CDHR1: variants seen among roughly 807,000 people sequenced by gnomAD.
The protein encoded by CDHR1 is cadherin-related family member 1.
Under a neutral mutation model 72.1 loss-of-function variants are expected in CDHR1, and 61 were observed. The observed-to-expected ratio is 0.85, with a 90% CI of 0.69 to 1.05. The LOEUF (loss-of-function observed/expected upper bound fraction) is 1.05, where lower values mean the gene tolerates loss of function less well. Ranked by LOEUF, CDHR1 falls within the 50% of genes least tolerant of loss-of-function variation. The pLI is 0.00. For missense variants in CDHR1, 1,186 were observed against 1,115.7 expected (o/e 1.06, Z -0.90); for synonymous variants, 470 against 448.1 (o/e 1.05, Z -0.62).
At chr10:84,219,417 C>A (rs1842475408), downstream of CDHR1, 5 of 1,346,008 alleles carry the variant, frequency 3.7e-6, no homozygotes, top group Middle Eastern at 7.8e-4. Flanking sequence ...TCTTCCACAG[C>A]CCTTCTCTCA....
rs1448221963 is a variant in CDHR1, at chr10:84,201,821, A to G, written c.540A>G (p.Pro180=). The change falls in exon 7 of 17, where the codon CCA becomes CCG. Residue 180 remains proline, a synonymous_variant. Transcript: ENST00000623527. ...VTYFLQNLHS[P]FAVDRHSGVL... ...AATTCTTATAGAACCTGCACTCCCC[A>G]TTTGCCGTGGACCGCCACAGCGGTG... 2.5e-6 allele frequency: 4 copies of G among 1,610,354 alleles called. No homozygotes were observed. Among genetic ancestry groups the G allele is most frequent in the Non-Finnish European group, 3.4e-6 (4 of 1,179,976 alleles).
At chr10:84,210,000 G>A (rs919039704) in intron 12 of CDHR1, among the ~76,000 whole-genome samples, 3 of 152,140 alleles carry the variant, frequency 2.0e-5, no homozygotes, top group Non-Finnish European at 4.4e-5. Context: ...GGGACAGATC[G>A]CTTGAGCCCA....
intron 1 of CDHR1, among the ~76,000 whole-genome samples, chr10:84,195,130 G>A (rs1395671471): frequency 5.3e-5 from 8 of 152,226 alleles, no homozygotes; most frequent in African/African-American, 1.7e-4. Context: ...CCGATGCTGC[G>A]TGGGGCAGGA....
rs1842461723 is a variant in CDHR1 at position 84,218,492 on chromosome 10, A to G, written c.*3871A>G. 1.3e-5 allele frequency: 13 copies of G among 985,422 alleles called. No individual in the cohort carries two copies. Among genetic ancestry groups the G allele is most frequent in the Non-Finnish European group, 1.4e-5 (12 of 829,936 alleles). The allele number at this position is 985,422 out of a possible 1,614,324, so 61.0% of individuals were successfully genotyped here. On this transcript the variant is annotated 3_prime_UTR_variant, in exon 17 of 17. Transcript: ENST00000623527. ...AGGCTCTCTTCTAGGTGTTAGGTGT[A>G]TGTCTCTAACAAGATAGAAGGAAAG...
At chr10:84,202,569 G>A (rs1281660170) in intron 7 of CDHR1, among the ~76,000 whole-genome samples, 1 of 152,208 alleles carries the variant, frequency 6.6e-6, no homozygotes, top group Non-Finnish European at 1.5e-5. Context: ...GGGCTGGGCT[G>A]GTTGCACATC....
At chr10:84,211,769 G>A in intron 14 of CDHR1, 54 bp downstream of exon 14, 1 of 1,458,264 alleles carries the variant, frequency 6.9e-7, no homozygotes, top group South Asian at 1.1e-5. Context: ...TTGGAAGGCT[G>A]AGGGTGGAGG....
downstream of CDHR1, chr10:84,219,268 G>A: frequency 6.5e-7 from 1 of 1,550,190 alleles, no homozygotes; most frequent in South Asian, 1.2e-5. Context: ...GGCAGCCCAA[G>A]CATCTTAAAA....
At position 84,201,852 on chromosome 10, in the gene CDHR1, C is replaced by T. The variant is rs151204356; in HGVS notation, c.571C>T (p.Arg191Cys). ...CGTGGACCGCCACAGCGGTGTGCTG[C>T]GCCTCCAGGCTGGGGCCACTCTGGA... is the stretch of plus-strand genomic sequence containing the variant. ...FAVDRHSGVL[R>C]LQAGATLDYE... The change falls in exon 7 of 17, where the codon CGC becomes TGC. Residue 191 changes from arginine to cysteine, a missense_variant. Transcript: ENST00000623527. The T allele has an allele frequency of 8.5e-4, 1,373 of 1,609,928 alleles. 15 individuals carry two copies. In the East Asian group the frequency reaches 0.026, roughly 31 times the overall value.
chr10:84,217,594 T>C lies in CDHR1; in HGVS notation c.*2973T>C, dbSNP rs1028778206. 1.0e-6 allele frequency: 1 copy of C among 985,398 alleles called. No individual in the cohort carries two copies. Among genetic ancestry groups the C allele is most frequent in the Non-Finnish European group, 1.2e-6 (1 of 829,902 alleles). The allele number at this position is 985,398 out of a possible 1,614,324, so 61.0% of individuals were successfully genotyped here. ...AAAGATCTAATATATGTAAAGTGCC[T>C]AGCACCGGCTTTGTATCTACTTACA... is the stretch of plus-strand genomic sequence containing the variant. On this transcript the variant is annotated 3_prime_UTR_variant, in exon 17 of 17. Transcript: ENST00000623527.
At chr10:84,197,988 G>C (rs905093542) in intron 4 of CDHR1, 152 bp downstream of exon 4, 1 of 739,282 alleles carries the variant, frequency 1.4e-6, no homozygotes, top group Non-Finnish European at 2.4e-6. Context: ...GCCCACAGGA[G>C]AGGGCTGCAG....
In CDHR1 at chr10:84,211,676, G is replaced by A. The variant is rs1277236134; in HGVS notation, c.1514G>A (p.Gly505Asp). 6.2e-7 allele frequency: 1 copy of A among 1,614,194 alleles called. No individual in the cohort carries two copies. Among genetic ancestry groups the A allele is most frequent in the Non-Finnish European group, 8.5e-7 (1 of 1,180,024 alleles). ...TAVDPDTGPW[G>D]EVKYSTYGTG... ...GTGGATCCAGATACAGGACCCTGGG[G>A]CGAAGTGAAATATTCCACCTATGGG... Residue 505 changes from glycine (G) to aspartate (D), a missense_variant, in exon 14 of 17, where the codon GGC becomes GAC. By Grantham distance (94) the Gly-to-Asp change is moderately conservative. Coordinates refer to ENST00000623527, the MANE Select transcript of CDHR1 (RefSeq NM_033100.4).
chr10:84,203,665 C>T (rs1027638071), intron 8 of CDHR1, among the ~76,000 whole-genome samples: 1 of 152,224 alleles, frequency 6.6e-6, no homozygotes, highest in Non-Finnish European at 1.5e-5. Flanking sequence ...ATCCACCCGC[C>T]TTGGCCTCCG....
chr10:84,211,698 T>C lies in CDHR1; in HGVS notation c.1536T>C (p.Tyr512=). 1 of 1,614,052 alleles carries C rather than the reference T, an allele frequency of 6.2e-7. No individual in the cohort carries two copies. The highest frequency in any genetic ancestry group is 1.3e-5 in the African/African-American group (1 of 75,028). ...GPWGEVKYST[Y]GTGADLFLIH... is the part of the protein sequence containing the mutation. ...GGGGCGAAGTGAAATATTCCACCTA[T>C]GGGACTGGGGCAGACCTGTAAGTAG... Residue 512 remains tyrosine, a synonymous_variant, in exon 14 of 17, where the codon TAT becomes TAC. Coordinates refer to ENST00000623527, the MANE Select transcript of CDHR1 (RefSeq NM_033100.4).
rs116437603 is a variant in CDHR1 at position 84,196,934 on chromosome 10, G to A, written c.297+284G>A. On this transcript the variant is annotated intron_variant, in intron 3 of 16. Transcript: ENST00000623527. ...AGCATGTTCCATTAAAAATAAATCC[G>A]TTTGCACTTTGAGGTTTCTGAAAGA... Among the ~76,000 whole-genome samples, 1,483 of 152,172 alleles carry A rather than the reference G, an allele frequency of 9.7e-3. 16 individuals carry two copies. The highest frequency in any genetic ancestry group is 0.033 in the African/African-American group (1,376 of 41,492).
chr10:84,194,925 T>A, intron 1 of CDHR1, 110 bp downstream of exon 1: 1 of 1,058,876 alleles, frequency 9.4e-7, no homozygotes, highest in Non-Finnish European at 1.4e-6. Flanking sequence ...AGAGTGGGAC[T>A]CGGGCTGGTG....
In CDHR1 at chr10:84,196,714, G is replaced by A. The variant is rs540039480; in HGVS notation, c.297+64G>A. On this transcript the variant is annotated intron_variant, in intron 3 of 16. Transcript: ENST00000623527. ...TGTAGACAGACCTCGGTGGGCTGAA[G>A]TTCCCCTGGAGCACATTGGTTAGAA... The A allele has an allele frequency of 2.3e-5, 37 of 1,592,554 alleles. No individual in the cohort carries two copies. The Admixed American group carries it at 4.8e-4, about 21-fold the overall frequency.
chr10:84,200,756 C>T (rs1393206904), intron 6 of CDHR1, 69 bp downstream of exon 6: 15 of 1,100,360 alleles, frequency 1.4e-5, no homozygotes, highest in Non-Finnish European at 2.0e-5. Context: ...CCCCTACCTC[C>T]ATCGCCCCAG....
Position 84,218,570 on chromosome 10 carries a change from T to C in CDHR1, c.*3949T>C. ...TCTTTAATTGCTAATCGCCTGGGCC[T>C]AGGGAGTCTTCATTTTAAAAGCAAG... On this transcript the variant is annotated 3_prime_UTR_variant, in exon 17 of 17. Transcript: ENST00000623527. 3 of 985,494 alleles carry C rather than the reference T, an allele frequency of 3.0e-6. No homozygotes were observed. In the South Asian group the frequency reaches 1.4e-4, roughly 46 times the overall value. 61.0% of individuals were successfully genotyped at this position (985,494 alleles called of 1,614,324 possible).
At position 84,206,552 on chromosome 10, in the gene CDHR1, G is replaced by C. The variant is rs12411440; in HGVS notation, c.963+625G>C. Reference sequence around the variant, plus strand: ...CGCTGGGCCTGCAAATTATGTAGCTGGTCCTACCCAAGAGCAGTAAGGAGC... The same window carrying C: ...CGCTGGGCCTGCAAATTATGTAGCTCGTCCTACCCAAGAGCAGTAAGGAGC... On this transcript the variant is annotated intron_variant, in intron 10 of 16. Coordinates refer to ENST00000623527, the MANE Select transcript of CDHR1 (RefSeq NM_033100.4). Among the ~76,000 whole-genome samples the C allele has an allele frequency of 5.2e-3, 793 of 152,304 alleles. 25 individuals carry two copies. The highest frequency in any genetic ancestry group is 0.043 in the Admixed American group (651 of 15,302).
Sources: gnomAD v4.1 joint callset for allele counts (sites outside exome capture counted in the v4.1 genomes callset) on GRCh38, gnomAD v4.1.1 for gene constraint, MANE v1.5 for transcripts, NCBI Gene and HGNC (gene_info 2026-07-23, HGNC 2026-07-21) for gene names.